Variants in SPG7 observed in about 807,000 individuals in gnomAD.
The protein encoded by SPG7 is SPG7 matrix AAA peptidase subunit, paraplegin, also known as mitochondrial inner membrane m-AAA protease component paraplegin.
Under a neutral mutation model 81.9 loss-of-function variants are expected in SPG7, and 103 were observed. The ratio of observed to expected loss-of-function variants is 1.26; its 90% CI spans 1.07 to 1.48. SPG7 has a LOEUF of 1.48. Among genes scored for constraint, SPG7 ranks in the 40% most tolerant of loss-of-function variants. The probability of loss-of-function intolerance (pLI) is 0.00; values close to 1 mark genes in which losing one functional copy is unlikely to be tolerated. For synonymous variants in SPG7, 534 were observed against 444.2 expected (o/e 1.20, Z -2.54); for missense variants, 1,241 against 1,087.3 (o/e 1.14, Z -1.99).
intron 16 of SPG7, 155 bp from the exon 17 acceptor site, chr16:89,556,732 G>A (rs558004490): frequency 2.3e-4 from 160 of 704,322 alleles, no homozygotes; most frequent in Non-Finnish European, 3.9e-4. Flanking sequence ...TTCTTCTTTC[G>A]GAGCTGCCTC....
rs1342696638 is a variant in SPG7, at chr16:89,557,033, G to A, written c.2328G>A (p.Glu776=). ...AQREKQDLGE[E]ETEETQQPPL... The stretch of plus-strand genomic sequence containing the variant: ...GGGAGAAACAGGACTTGGGCGAGGA[G>A]GAGACCGAAGAGACCCAGCAGCCTC... Residue 776 remains glutamate, a synonymous_variant, in exon 17 of 17, where the codon GAG becomes GAA. Transcript: ENST00000645818. 2.5e-6 allele frequency: 4 copies of A among 1,612,922 alleles called. No homozygotes were observed. The highest frequency in any genetic ancestry group is 2.2e-5 in the East Asian group (1 of 44,896).
chr16:89,544,941 C>G (rs1216078956), intron 10 of SPG7, 169 bp downstream of exon 10: 1 of 771,156 alleles, frequency 1.3e-6, no homozygotes, highest in African/African-American at 1.7e-5. Context: ...CCCCAGCAGA[C>G]CTGCCCACCG....
intron 16 of SPG7, 39 bp from the exon 17 acceptor site, chr16:89,556,848 C>T (rs1279051156): frequency 4.0e-6 from 6 of 1,484,918 alleles, no homozygotes; most frequent in Non-Finnish European, 5.6e-6. Context: ...GCTCTGTCTG[C>T]CCTGGGGACT....
At chr16:89,508,840 TC>T (rs776416902) in intron 1 of SPG7, 10 of 676,070 alleles carry the variant, frequency 1.5e-5, no homozygotes, top group Non-Finnish European at 2.4e-5. Context: ...GCGTGGACTT[TC>T]CCAACCCGTC....
intron 12 of SPG7, chr16:89,550,156 C>T: frequency 2.8e-6 from 1 of 357,566 alleles, no homozygotes; most frequent in Non-Finnish European, 5.5e-6. Flanking sequence ...GGGGTCTCAG[C>T]TCACCCCCCC....
chr16:89,546,045 C>A, intron 10 of SPG7: 1 of 356,972 alleles, frequency 2.8e-6, no homozygotes, highest in African/African-American at 2.2e-5. Flanking sequence ...GTGTCAAACC[C>A]CTGGCCTCAA....
rs905467263 is a variant in SPG7, at chr16:89,546,729, G to A, written c.1521G>A (p.Gln507=). ...KLTQSSTFYS[Q]RLAELTPGFS... ...CCCAGTCCAGCACCTTTTACTCCCA[G>A]CGTCTGGCAGAGCTGACACCAGGAT... Residue 507 remains glutamine (Q), a synonymous_variant, in exon 11 of 17, where the codon CAG becomes CAA. Transcript: ENST00000645818. 6 of 1,613,498 alleles carry A rather than the reference G, an allele frequency of 3.7e-6. No individual in the cohort carries two copies. The African/African-American group carries it at 4.0e-5, about 11-fold the overall frequency.
chr16:89,515,199 G>A (rs924216996), intron 3 of SPG7, among the ~76,000 whole-genome samples: 1 of 150,500 alleles, frequency 6.6e-6, no homozygotes, highest in African/African-American at 2.4e-5. Context: ...GCCTCCCAAA[G>A]TGCTGGGATT....
At chr16:89,548,363 AAAAAT>A in intron 12 of SPG7, 1 of 483,714 alleles carries the variant, frequency 2.1e-6, no homozygotes, top group African/African-American at 2.0e-5. Flanking sequence ...AAGAAAGTGA[AAAAAT>A]AAAAATAAAA....
At chr16:89,546,964 CG>C in intron 11 of SPG7, 1 of 578,158 alleles carries the variant, frequency 1.7e-6, no homozygotes, top group Non-Finnish European at 3.2e-6. Flanking sequence ...TCCTCCGCCC[CG>C]GGGTGGAAAA....
intron 10 of SPG7, 75 bp from the exon 11 acceptor site, chr16:89,546,583 C>CG (rs2058566968): frequency 2.1e-6 from 2 of 962,588 alleles, no homozygotes; most frequent in African/African-American, 3.2e-5. Flanking sequence ...CCCCCCCCCC[C>CG]ACAGACAAAC....
Position 89,532,060 on chromosome 16 carries a change from A to T in SPG7, c.1144A>T (p.Ile382Phe), listed in dbSNP as rs986972872. ...AMAGPEFVEVIGGLGAARVRS... is the reference protein window; with the variant it reads ...AMAGPEFVEVFGGLGAARVRS... The stretch of plus-strand genomic sequence containing the variant: ...GGCCGGCCCAGAGTTCGTGGAGGTC[A>T]TTGGAGGTAGGTGCTGTGGTTGGGG... The change falls in exon 8 of 17, where the codon ATT (isoleucine) becomes TTT (phenylalanine). Residue 382 changes from isoleucine to phenylalanine, a missense_variant. Transcript: ENST00000645818. 1.2e-6 allele frequency: 2 copies of T among 1,611,254 alleles called. No homozygotes were observed. Among genetic ancestry groups the T allele is most frequent in the African/African-American group, 1.3e-5 (1 of 74,822 alleles).
chr16:89,508,424 GTGC>G lies in SPG7; in HGVS notation c.21_23del (p.Leu8del), dbSNP rs781285980. ...GCGCGGCTTTCAGGCCAACATGGCC[GTGC>G]TGCTGCTGCTGCTCCGTGCCCTCCG... On this transcript the variant is annotated inframe_deletion, in exon 1 of 17. Coordinates refer to ENST00000645818, the MANE Select transcript of SPG7 (RefSeq NM_003119.4). 6.4e-5 allele frequency: 95 copies of G among 1,489,422 alleles called. No homozygotes were observed. The highest frequency in any genetic ancestry group is 3.7e-4 in the Admixed American group (17 of 45,664). The allele number at this position is 1,489,422 out of a possible 1,614,324, so 92.3% of individuals were successfully genotyped here.
intron 2 of SPG7, among the ~76,000 whole-genome samples, chr16:89,512,307 G>A (rs1432307377): frequency 6.6e-6 from 1 of 151,508 alleles, no homozygotes; most frequent in Admixed American, 6.6e-5. Flanking sequence ...GGCTGCTGCT[G>A]TTGCCACTTG....
Position 89,532,071 on chromosome 16 carries a change from G to A in SPG7, c.1150+5G>A, listed in dbSNP as rs1261496896. The stretch of plus-strand genomic sequence containing the variant: ...AGTTCGTGGAGGTCATTGGAGGTAG[G>A]TGCTGTGGTTGGGGGCTGTGGGTGG... On this transcript the variant is annotated splice_donor_5th_base_variant and intron_variant, in intron 8 of 16. Transcript: ENST00000645818. 1 of 1,611,662 alleles carries A rather than the reference G, an allele frequency of 6.2e-7. No individual in the cohort carries two copies. Among genetic ancestry groups the A allele is most frequent in the Non-Finnish European group, 8.5e-7 (1 of 1,179,966 alleles).
chr16:89,536,637 C>CGGGCGAGGT (rs1213340072), intron 9 of SPG7: 11 of 1,075,810 alleles, frequency 1.0e-5, no homozygotes, highest in East Asian at 2.5e-5. Context: ...GCGGGTGAGG[C>CGGGCGAGGT]GGGCGAGGTG....
chr16:89,556,870 A>G lies in SPG7; in HGVS notation c.2182-17A>G, dbSNP rs1440420546. On this transcript the variant is annotated splice_polypyrimidine_tract_variant and intron_variant, in intron 16 of 16. Coordinates refer to ENST00000645818, the MANE Select transcript of SPG7 (RefSeq NM_003119.4). ...CTGCCCTGGGGACTCACACACTGCT[A>G]TGCCTGTTCTTTCTAGCTGGCAAAC... 4 of 1,599,282 alleles carry G rather than the reference A, an allele frequency of 2.5e-6. No individual in the cohort carries two copies. Among genetic ancestry groups the G allele is most frequent in the Non-Finnish European group, 3.4e-6 (4 of 1,166,984 alleles).
chr16:89,554,452 G>T, intron 15 of SPG7, 34 bp from the exon 16 acceptor site: 1 of 1,522,328 alleles, frequency 6.6e-7, no homozygotes, highest in African/African-American at 1.4e-5. Flanking sequence ...CAGGCGGCCA[G>T]CCTTGCCCCT....
At chr16:89,510,983 C>T (rs2058014023) in intron 2 of SPG7, among the ~76,000 whole-genome samples, 1 of 152,190 alleles carries the variant, frequency 6.6e-6, no homozygotes, top group African/African-American at 2.4e-5. Context: ...CAGGCACACA[C>T]CAAAGCGCCT....
Sources: gnomAD v4.1 joint callset for allele counts (sites outside exome capture counted in the v4.1 genomes callset) on GRCh38, gnomAD v4.1.1 for gene constraint, MANE v1.5 for transcripts, NCBI Gene and HGNC (gene_info 2026-07-23, HGNC 2026-07-21) for gene names.